Variants in SLC38A12 observed in about 807,000 individuals in gnomAD.
The protein encoded by SLC38A12 is putative sodium-coupled neutral amino acid transporter 12.
chr17:74,824,474 C>T, the SLC38A12 span, among the ~76,000 whole-genome samples: 5 of 152,210 alleles, frequency 3.3e-5, no homozygotes, highest in East Asian at 1.9e-4. Flanking sequence ...AGGGAGCTCT[C>T]GGGCTGAAGT....
At chr17:74,835,969 A>T in the SLC38A12 span, 1 of 1,610,428 alleles carries the variant, frequency 6.2e-7, no homozygotes, top group Non-Finnish European at 8.5e-7. Flanking sequence ...CGCATCGGGC[A>T]CGGACAAGGG....
chr17:74,781,339 C>T, the SLC38A12 span, among the ~76,000 whole-genome samples: 4 of 152,108 alleles, frequency 2.6e-5, no homozygotes, highest in South Asian at 2.1e-4. Context: ...ACTGTGTCAC[C>T]CAGTGAGCAA....
chr17:74,787,794 A>G, the SLC38A12 span, among the ~76,000 whole-genome samples: 1 of 68,494 alleles, frequency 1.5e-5, no homozygotes, highest in Non-Finnish European at 3.2e-5. Flanking sequence ...TCTCTCAAGT[A>G]TCCTTTTTTT....
chr17:74,778,110 C>T, the SLC38A12 span, among the ~76,000 whole-genome samples: 2 of 152,194 alleles, frequency 1.3e-5, no homozygotes, highest in African/African-American at 2.4e-5. Context: ...CGAAAGCATA[C>T]AGAGACTTCT....
At chr17:74,819,082 C>A in the SLC38A12 span, among the ~76,000 whole-genome samples, 1 of 152,234 alleles carries the variant, frequency 6.6e-6, no homozygotes. Flanking sequence ...CCATCCTCAG[C>A]CCAGAACTTC....
chr17:74,837,159 A>G, the SLC38A12 span: 1 of 987,190 alleles, frequency 1.0e-6, no homozygotes. Context: ...GGCGAATCCC[A>G]GGCTGGAAGT....
chr17:74,836,982 C>T, the SLC38A12 span: 1 of 1,209,790 alleles, frequency 8.3e-7, no homozygotes, highest in Non-Finnish European at 1.0e-6. This position sits in a 1 kb window ranked among gnomAD's most constrained non-coding sequence, Gnocchi z 4.2. Flanking sequence ...CATCTTCCAA[C>T]ACGCTTCACC....
chr17:74,838,389 A>G, the SLC38A12 span: 23 of 997,374 alleles, frequency 2.3e-5, no homozygotes, highest in Non-Finnish European at 2.7e-5. Context: ...CTGAAAACTC[A>G]AAACATCTGG....
chr17:74,784,051 A>AG, the SLC38A12 span, among the ~76,000 whole-genome samples: 1 of 151,692 alleles, frequency 6.6e-6, no homozygotes, highest in African/African-American at 2.4e-5. Context: ...AAAAAAAAAA[A>AG]CAAAATTGAT....
the SLC38A12 span, among the ~76,000 whole-genome samples, chr17:74,779,739 C>T: frequency 8.0e-4 from 122 of 152,356 alleles, no homozygotes; most frequent in African/African-American, 2.8e-3. Context: ...GTCATTCATA[C>T]GTGTGCTTCA....
At chr17:74,822,632 T>G in the SLC38A12 span, among the ~76,000 whole-genome samples, 1 of 152,226 alleles carries the variant, frequency 6.6e-6, no homozygotes. Context: ...AGGCAGTGAT[T>G]TTTTCTCCAT....
chr17:74,806,054 T>C, the SLC38A12 span, among the ~76,000 whole-genome samples: 501 of 152,338 alleles, frequency 3.3e-3, 2 homozygotes, highest in African/African-American at 0.011. Flanking sequence ...ATGAATGTTC[T>C]GAGCAGTTCA....
At chr17:74,830,423 G>A in the SLC38A12 span, among the ~76,000 whole-genome samples, 10 of 152,246 alleles carry the variant, frequency 6.6e-5, no homozygotes, top group Non-Finnish European at 1.3e-4. Flanking sequence ...CAGATGTGGA[G>A]GCAGTGCCTG....
chr17:74,825,755 C>T, the SLC38A12 span, among the ~76,000 whole-genome samples: 1 of 152,166 alleles, frequency 6.6e-6, no homozygotes, highest in Non-Finnish European at 1.5e-5. Flanking sequence ...GGTTGTGGGT[C>T]GAGTCTGACC....
the SLC38A12 span, among the ~76,000 whole-genome samples, chr17:74,782,547 C>G: frequency 1.3e-5 from 2 of 152,182 alleles, no homozygotes; most frequent in Admixed American, 1.3e-4. Flanking sequence ...ATGACCCCTT[C>G]CCACCCTTGT....
chr17:74,802,047 G>A, the SLC38A12 span, among the ~76,000 whole-genome samples: 4 of 151,964 alleles, frequency 2.6e-5, no homozygotes, highest in East Asian at 1.9e-4. Flanking sequence ...CTTTCTTCCC[G>A]GAGTTGCTCC....
At chr17:74,812,013 T>C in the SLC38A12 span, among the ~76,000 whole-genome samples, 3 of 151,688 alleles carry the variant, frequency 2.0e-5, no homozygotes, top group South Asian at 6.3e-4. Context: ...ACCACTGCAC[T>C]CCAGCCTGGG....
chr17:74,826,238 C>T, the SLC38A12 span, among the ~76,000 whole-genome samples: 16 of 152,278 alleles, frequency 1.1e-4, no homozygotes, highest in East Asian at 5.8e-4. Flanking sequence ...GGCCAGAGCC[C>T]GTGATTTCTG....
chr17:74,809,663 T>G, the SLC38A12 span, among the ~76,000 whole-genome samples: 2 of 152,078 alleles, frequency 1.3e-5, no homozygotes, highest in African/African-American at 2.4e-5. Flanking sequence ...GGAGGTGGTG[T>G]TCTGGACCTG....
Sources: gnomAD v4.1 joint callset for allele counts (sites outside exome capture counted in the v4.1 genomes callset) on GRCh38, gnomAD v4.1.1 for gene constraint, Gnocchi (gnomAD v3.1) non-coding constraint, MANE v1.5 for transcripts, NCBI Gene and HGNC (gene_info 2026-07-23, HGNC 2026-07-21) for gene names.